AGBL4: variants seen among roughly 807,000 people sequenced by gnomAD.
AGBL4 encodes the protein cytosolic carboxypeptidase 6.
Under a neutral mutation model 66.4 loss-of-function variants are expected in AGBL4, and 58 were observed. The observed-to-expected ratio is 0.87, with a 90% CI of 0.71 to 1.09. AGBL4 has a LOEUF of 1.09. Ranked by LOEUF, AGBL4 falls within the 50% of genes least tolerant of loss-of-function variation. AGBL4 has a pLI of 0.00. For synonymous variants in AGBL4, 234 were observed against 222.9 expected (o/e 1.05, Z -0.44); for missense variants, 579 against 631.0 (o/e 0.92, Z 0.88).
At chr1:49,768,912 G>A (rs568629752) in intron 2 of AGBL4, among the ~76,000 whole-genome samples, 3 of 151,866 alleles carry the variant, frequency 2.0e-5, no homozygotes, top group Non-Finnish European at 2.9e-5. Flanking sequence ...GCAGTGGCGC[G>A]ATCTTGGCTC....
Position 49,673,995 on chromosome 1 carries a change from C to T in AGBL4, c.282+23318G>A, listed in dbSNP as rs116393917. 4.2e-3 allele frequency among the ~76,000 whole-genome samples: 629 copies of T among 151,524 alleles called. 3 individuals are homozygous for T. The highest frequency in any genetic ancestry group is 0.015 in the African/African-American group (602 of 41,252). On this transcript the variant is annotated intron_variant, in intron 3 of 13. Coordinates refer to ENST00000371839, the MANE Select transcript of AGBL4 (RefSeq NM_032785.4). ...GATCGCCTGAATGACCACCTGATGA[C>T]GAAGGAATGGAAAAGAGTTTCAGAA...
At chr1:49,162,254 CTT>C (rs1646554779) in intron 4 of AGBL4, among the ~76,000 whole-genome samples, 1 of 152,032 alleles carries the variant, frequency 6.6e-6, no homozygotes, top group Admixed American at 6.6e-5. Context: ...GATGTTCTGT[CTT>C]ATTTTTCTAT....
intron 1 of AGBL4, among the ~76,000 whole-genome samples, chr1:49,853,083 A>G (rs535029692): frequency 6.6e-6 from 1 of 152,292 alleles, no homozygotes; most frequent in South Asian, 2.1e-4. Context: ...CTGGTATTCA[A>G]TAAAAAATTG....
At chr1:48,966,272 T>C (rs1658407201) in intron 5 of AGBL4, among the ~76,000 whole-genome samples, 2 of 152,150 alleles carry the variant, frequency 1.3e-5, no homozygotes, top group Non-Finnish European at 2.9e-5. Context: ...CGTGATGCAT[T>C]GAAAAAGGGG....
intron 3 of AGBL4, among the ~76,000 whole-genome samples, chr1:49,508,550 T>C (rs1419943659): frequency 6.6e-6 from 1 of 151,946 alleles, no homozygotes; most frequent in Admixed American, 6.6e-5. Context: ...ATAAATTTTA[T>C]TGACCCACAA....
chr1:49,780,801 A>C (rs549435473), intron 2 of AGBL4, among the ~76,000 whole-genome samples: 58 of 152,288 alleles, frequency 3.8e-4, no homozygotes, highest in Non-Finnish European at 7.5e-4. Flanking sequence ...ATGGCAATGA[A>C]GGAGGAACAG....
intron 2 of AGBL4, among the ~76,000 whole-genome samples, chr1:49,719,296 A>G (rs1648407805): frequency 2.6e-5 from 4 of 152,184 alleles, no homozygotes; most frequent in Admixed American, 1.3e-4. Flanking sequence ...AATTCCCACA[A>G]TAACTGGACT....
At chr1:49,295,833 C>T (rs1406477910) in intron 3 of AGBL4, among the ~76,000 whole-genome samples, 1 of 152,220 alleles carries the variant, frequency 6.6e-6, no homozygotes, top group East Asian at 1.9e-4. Flanking sequence ...TGTTCAAAGA[C>T]TCTAACACAG....
At chr1:49,119,176 G>GT (rs1645598694) in intron 4 of AGBL4, among the ~76,000 whole-genome samples, 1 of 152,060 alleles carries the variant, frequency 6.6e-6, no homozygotes, top group Non-Finnish European at 1.5e-5. Flanking sequence ...TTTTTGAAGG[G>GT]TTTTTCGTGT....
intron 3 of AGBL4, among the ~76,000 whole-genome samples, chr1:49,654,390 T>A (rs1394129283): frequency 7.9e-5 from 12 of 152,292 alleles, no homozygotes; most frequent in Non-Finnish European, 1.5e-4. Context: ...TTGAGAAGAA[T>A]GTATATTCTG....
chr1:48,742,810 G>A (rs1650125494), intron 6 of AGBL4: 1 of 1,457,596 alleles, frequency 6.9e-7, no homozygotes, highest in South Asian at 1.5e-5. Flanking sequence ...AGAACTCCAA[G>A]GAAAATAAAA....
intron 3 of AGBL4, among the ~76,000 whole-genome samples, chr1:49,455,011 T>C (rs945926768): frequency 1.3e-5 from 2 of 151,666 alleles, no homozygotes; most frequent in Non-Finnish European, 2.9e-5. Flanking sequence ...GTAGGTAATA[T>C]TATTACTCTA....
intron 2 of AGBL4, among the ~76,000 whole-genome samples, chr1:49,833,904 G>A (rs1645772658): frequency 6.6e-6 from 1 of 152,092 alleles, no homozygotes; most frequent in Non-Finnish European, 1.5e-5. Flanking sequence ...CTGAGACAAT[G>A]GGGTTTTCTA....
chr1:49,531,653 G>A (rs1238797617), intron 3 of AGBL4, among the ~76,000 whole-genome samples: 1 of 152,096 alleles, frequency 6.6e-6, no homozygotes, highest in Non-Finnish European at 1.5e-5. Context: ...CTGTGATGTA[G>A]TTATTATTAT....
At position 48,587,016 on chromosome 1, in the gene AGBL4, T is replaced by C. The variant is rs1255351970; in HGVS notation, c.1255A>G (p.Thr419Ala). The C allele has an allele frequency of 6.2e-7, 1 of 1,610,016 alleles. No individual in the cohort carries two copies. Among genetic ancestry groups the C allele is most frequent in the Admixed American group, 1.7e-5 (1 of 59,508 alleles). ...GGACTAAGGATACAGGCTTCTTCAG[T>C]GTAGGGCACAGCAGCCGTGGTGCCA... Reference protein sequence around the residue: ...ISGTTAAVPYTEEAYMKLGRN... With the variant: ...ISGTTAAVPYAEEAYMKLGRN... Residue 419 changes from threonine (T) to alanine (A), a missense_variant, in exon 11 of 14, where the codon ACT becomes GCT. By Grantham distance (58) the Thr-to-Ala change is moderately conservative. Transcript: ENST00000371839.
chr1:49,905,648 G>T (rs1015938047), intron 1 of AGBL4, among the ~76,000 whole-genome samples: 1 of 152,120 alleles, frequency 6.6e-6, no homozygotes, highest in South Asian at 2.1e-4. Flanking sequence ...CTGTGATTAA[G>T]AGAATCAAAA....
At chr1:49,716,153 T>C (rs1382798504) in intron 2 of AGBL4, among the ~76,000 whole-genome samples, 1 of 152,156 alleles carries the variant, frequency 6.6e-6, no homozygotes, top group Non-Finnish European at 1.5e-5. Context: ...GGGGTCCAGT[T>C]TCAGTTTTCT....
intron 2 of AGBL4, among the ~76,000 whole-genome samples, chr1:49,810,420 T>C (rs1262119992): frequency 6.6e-6 from 1 of 152,160 alleles, no homozygotes; most frequent in East Asian, 1.9e-4. Flanking sequence ...ATTGTTTTAG[T>C]ACAGGGAGAT....
At chr1:49,993,832 CA>C (rs1324568133) in intron 1 of AGBL4, among the ~76,000 whole-genome samples, 1 of 152,094 alleles carries the variant, frequency 6.6e-6, no homozygotes, top group Non-Finnish European at 1.5e-5. Context: ...TAAATGGAAG[CA>C]AGAAATAAAC....
Sources: gnomAD v4.1 joint callset for allele counts (sites outside exome capture counted in the v4.1 genomes callset) on GRCh38, gnomAD v4.1.1 for gene constraint, MANE v1.5 for transcripts, NCBI Gene and HGNC (gene_info 2026-07-23, HGNC 2026-07-21) for gene names.